Variants in ANK2 observed in about 807,000 individuals in gnomAD.
The protein encoded by ANK2 is ankyrin 2.
A neutral mutation model predicts 360.5 loss-of-function variants in ANK2; 83 were observed. The observed-to-expected ratio is 0.23, with a 90% CI of 0.19 to 0.28. ANK2 has a LOEUF of 0.28. ANK2 is among the 10% of genes least tolerant of loss of function. The pLI is 1.00. For synonymous variants in ANK2, 1,740 were observed against 1,759.5 expected, an observed-to-expected ratio of 0.99 and a Z score of 0.28; for missense variants, 4,201 against 4,795.7, an observed-to-expected ratio of 0.88 and a Z score of 3.66.
rs1158530849 is a variant in ANK2 at position 113,163,764 on chromosome 4, CAAAAAAA to C, written c.85-10630_85-10624del. 1.9e-3 allele frequency among the ~76,000 whole-genome samples: 104 copies of C among 55,038 alleles called. 1 individual carries two copies. The highest frequency in any genetic ancestry group is 7.3e-3 in the South Asian group (10 of 1,374). 36.1% of individuals were successfully genotyped at this position (55,038 alleles called of 152,430 possible). On this transcript the variant is annotated intron_variant, in intron 1 of 45. Transcript: ENST00000357077. ...GGGCAACAAGAGTGAAACTTCGTCT[CAAAAAAA>C]AAAAAAAAAAAAAAAAAAAAAGAAA...
At chr4:112,893,267 C>T (rs1580667620) in intron 1 of ANK2, among the ~76,000 whole-genome samples, 1 of 152,224 alleles carries the variant, frequency 6.6e-6, no homozygotes, top group Non-Finnish European at 1.5e-5. Context: ...GATCCTCTCA[C>T]CTCAGCATCC....
chr4:112,934,013 T>G (rs562537880), intron 2 of ANK2, among the ~76,000 whole-genome samples: 1 of 152,146 alleles, frequency 6.6e-6, no homozygotes, highest in South Asian at 2.1e-4. Context: ...TTAAAGATGC[T>G]CGGGAGATTG....
At chr4:113,204,688 C>A (rs1192253933) in intron 4 of ANK2, among the ~76,000 whole-genome samples, 1 of 152,042 alleles carries the variant, frequency 6.6e-6, no homozygotes, top group Non-Finnish European at 1.5e-5. Flanking sequence ...GTACGGACAC[C>A]TTCCTTCCAA....
At chr4:113,163,222 A>G (rs1274625901) in intron 1 of ANK2, among the ~76,000 whole-genome samples, 1 of 152,140 alleles carries the variant, frequency 6.6e-6, no homozygotes, top group African/African-American at 2.4e-5. Context: ...ATGCCTTTAT[A>G]TATATCTTTC....
At chr4:112,770,696 A>ACT in the ANK2 span, among the ~76,000 whole-genome samples, 7 of 137,210 alleles carry the variant, frequency 5.1e-5, no homozygotes, top group Admixed American at 3.0e-4. Flanking sequence ...ACAGAGCAAG[A>ACT]CTCTCTCTCT....
At position 113,354,176 on chromosome 4, in the gene ANK2, A is replaced by G. The variant is rs2095591795; in HGVS notation, c.5558A>G (p.Lys1853Arg). Residue 1853 changes from lysine to arginine, a missense_variant, in exon 38 of 46, where the codon AAA (lysine) becomes AGA (arginine). By Grantham distance (26) the Lys-to-Arg change is conservative. This residue lies in a region of ANK2 where 2,642 missense variants were observed against 2,714.5 expected (regional missense o/e 0.97). Coordinates refer to ENST00000357077, the MANE Select transcript of ANK2 (RefSeq NM_001148.6). Reference protein sequence around the residue: ...PPVSPSSKTEKHSPVSPSAKT... With the variant: ...PPVSPSSKTERHSPVSPSAKT... Reference sequence around the variant, plus strand: ...GTATCACCATCAAGTAAAACTGAGAAACACTCACCTGTGTCACCCTCTGCA... The same window carrying G: ...GTATCACCATCAAGTAAAACTGAGAGACACTCACCTGTGTCACCCTCTGCA... The G allele has an allele frequency of 1.9e-6, 3 of 1,613,908 alleles. No individual in the cohort carries two copies. The highest frequency in any genetic ancestry group is 2.7e-5 in the African/African-American group (2 of 74,898).
At chr4:113,216,529 AG>A (rs1230063090) in intron 4 of ANK2, among the ~76,000 whole-genome samples, 1 of 152,258 alleles carries the variant, frequency 6.6e-6, no homozygotes, top group Non-Finnish European at 1.5e-5. Flanking sequence ...GAAGGCAATT[AG>A]GCCTGTTAGG....
chr4:112,760,956 G>A, the ANK2 span, among the ~76,000 whole-genome samples: 2 of 151,448 alleles, frequency 1.3e-5, no homozygotes, highest in Non-Finnish European at 2.9e-5. Flanking sequence ...ACAGGTGTAC[G>A]CCACCATGCC....
chr4:113,160,364 C>T (rs750368305), intron 1 of ANK2: 12 of 414,464 alleles, frequency 2.9e-5, no homozygotes, highest in Admixed American at 8.4e-5. Flanking sequence ...CCACATCCAG[C>T]GGGTAAAGGA....
intron 2 of ANK2, among the ~76,000 whole-genome samples, chr4:112,927,904 TA>T (rs1164241849): frequency 6.6e-6 from 1 of 152,212 alleles, no homozygotes; most frequent in Non-Finnish European, 1.5e-5. Context: ...TCATACTGAA[TA>T]ACCAGAACAA....
the ANK2 span, among the ~76,000 whole-genome samples, chr4:112,721,601 T>A: frequency 7.5e-5 from 11 of 146,268 alleles, no homozygotes; most frequent in African/African-American, 2.8e-4. Flanking sequence ...AGGCACTGTC[T>A]CTACACGCCT....
rs538021395 is a variant in ANK2 at position 112,842,932 on chromosome 4, C to T, written c.-40+24668C>T. ...CGCAGGGCTGTGGGCTCTCTGAAGG[C>T]TCTAGGGAGAATCTGTTTTCTTTCC... On this transcript the variant is annotated intron_variant, in intron 1 of 30. Transcript: ENST00000503271. Among the ~76,000 whole-genome samples the T allele has an allele frequency of 1.1e-4, 16 of 152,340 alleles. 1 individual carries two copies. The East Asian group carries it at 3.1e-3, about 29-fold the overall frequency.
chr4:113,039,661 A>AT (rs1049505201), intron 2 of ANK2, among the ~76,000 whole-genome samples: 3 of 152,002 alleles, frequency 2.0e-5, no homozygotes, highest in Non-Finnish European at 2.9e-5. Context: ...TGAATTAGGA[A>AT]TAAGAAAACT....
intron 2 of ANK2, among the ~76,000 whole-genome samples, chr4:112,919,903 G>A (rs2091009595): frequency 6.6e-6 from 1 of 151,846 alleles, no homozygotes; most frequent in Non-Finnish European, 1.5e-5. Flanking sequence ...CTTTCTTGTA[G>A]CTATTAATAA....
At chr4:112,895,785 CTGAG>C (rs918941329) in intron 1 of ANK2, among the ~76,000 whole-genome samples, 1 of 152,184 alleles carries the variant, frequency 6.6e-6, no homozygotes, top group African/African-American at 2.4e-5. Context: ...GTTTATTTTC[CTGAG>C]TATTTATAAA....
intron 1 of ANK2, among the ~76,000 whole-genome samples, chr4:113,054,322 TAC>T (rs34708446): frequency 5.6e-4 from 84 of 149,716 alleles, no homozygotes; most frequent in Non-Finnish European, 6.5e-4. Context: ...ATTTTGAAGG[TAC>T]ACACACACAC....
chr4:113,071,309 A>T (rs1230311763), intron 1 of ANK2, among the ~76,000 whole-genome samples: 5 of 152,180 alleles, frequency 3.3e-5, no homozygotes, highest in Admixed American at 3.3e-4. Flanking sequence ...ATAGTAGGCT[A>T]GATAATAAAC....
chr4:112,910,200 T>C (rs2086639090), intron 2 of ANK2, among the ~76,000 whole-genome samples: 1 of 152,164 alleles, frequency 6.6e-6, no homozygotes, highest in African/African-American at 2.4e-5. Context: ...ACAGAAAAGA[T>C]CATGCCCTCC....
At chr4:113,097,328 G>A (rs527974768) in intron 1 of ANK2, among the ~76,000 whole-genome samples, 1 of 151,906 alleles carries the variant, frequency 6.6e-6, no homozygotes, top group Non-Finnish European at 1.5e-5. Context: ...CATTCAGATT[G>A]GTTATGGTTG....
Sources: allele counts gnomAD v4.1 joint callset (sites outside exome capture counted in the v4.1 genomes callset), GRCh38; gene constraint gnomAD v4.1.1; regional missense constraint gnomAD v4.1.1; transcripts MANE v1.5; gene names NCBI Gene and HGNC (gene_info 2026-07-23, HGNC 2026-07-21).